The following FGF12 variants were observed in gnomAD, a reference collection of about 807,000 sequenced individuals.
FGF12 encodes the protein fibroblast growth factor 12B.
A neutral mutation model predicts 23.6 loss-of-function variants in FGF12; 14 were observed. The ratio of observed to expected loss-of-function variants is 0.59; its 90% confidence interval spans 0.39 to 0.93. FGF12 has a LOEUF of 0.93. Ranked by LOEUF, FGF12 falls within the 40% of genes least tolerant of loss-of-function variation. The pLI, the probability that FGF12 is intolerant of heterozygous loss-of-function variation, is 0.00. For missense variants in FGF12, 175 were observed against 217.8 expected (o/e 0.80, Z 1.24); for synonymous variants, 62 against 77.3 (o/e 0.80, Z 1.04).
chr3:192,691,765 T>C (rs2108720684), intron 2 of FGF12, among the ~76,000 whole-genome samples: 1 of 151,560 alleles, frequency 6.6e-6, no homozygotes, highest in East Asian at 2.0e-4. Context: ...AAAAATAAAA[T>C]TAACAAACTT....
chr3:192,477,035 C>T (rs911794556), intron 2 of FGF12, among the ~76,000 whole-genome samples: 3 of 152,104 alleles, frequency 2.0e-5, no homozygotes, highest in Non-Finnish European at 4.4e-5. Flanking sequence ...AGAGAAACTA[C>T]AGGGAGCAGG....
chr3:192,376,131 A>G (rs75616130), intron 2 of FGF12, among the ~76,000 whole-genome samples: 3,537 of 151,958 alleles, frequency 0.023, 77 homozygotes, highest in East Asian at 0.096. Context: ...GACTCCATTG[A>G]AATGCATGTT....
chr3:192,281,324 G>A (rs1396375920), intron 4 of FGF12, among the ~76,000 whole-genome samples: 4 of 151,920 alleles, frequency 2.6e-5, no homozygotes, highest in Admixed American at 6.6e-5. Flanking sequence ...GTCTTCACAC[G>A]GCCTTCTACC....
chr3:192,421,819 TA>T (rs74360183), intron 2 of FGF12, among the ~76,000 whole-genome samples: 27,385 of 144,832 alleles, frequency 0.19, 2,596 homozygotes, highest in South Asian at 0.28. Context: ...TAAAGTATAA[TA>T]AAAAAAAAAA....
intron 2 of FGF12, among the ~76,000 whole-genome samples, chr3:192,713,775 G>A (rs77621557): frequency 0.076 from 11,506 of 152,224 alleles, 820 homozygotes; most frequent in East Asian, 0.19. Flanking sequence ...GACCTTCCCT[G>A]TACAAGGTGC....
chr3:192,317,429 T>C (rs1577347927), intron 4 of FGF12, among the ~76,000 whole-genome samples: 1 of 151,890 alleles, frequency 6.6e-6, no homozygotes, highest in South Asian at 2.1e-4. Flanking sequence ...TGAATGAACA[T>C]TGGCAGTAGC....
chr3:192,615,409 C>G, intron 2 of FGF12, among the ~76,000 whole-genome samples: 1 of 151,884 alleles, frequency 6.6e-6, no homozygotes. Context: ...CTTGAATCAT[C>G]TACTAACAAA....
chr3:192,180,944 G>A lies in FGF12; in HGVS notation c.229-10288C>T, dbSNP rs544731434. On this transcript the variant is annotated intron_variant, in intron 4 of 5. Coordinates refer to ENST00000445105, the MANE Select transcript of FGF12 (RefSeq NM_004113.6). The stretch of plus-strand genomic sequence containing the variant: ...AGCACTGTGGTTTTGTGAAGCTGAA[G>A]AGGCAGAAACTGTAGTTCGAGATTG... 4.6e-5 allele frequency among the ~76,000 whole-genome samples: 7 copies of A among 152,280 alleles called. No individual in the cohort carries two copies. In the East Asian group the frequency reaches 7.7e-4, roughly 17 times the overall value.
At chr3:192,436,931 T>C (rs1369780755) in intron 2 of FGF12, among the ~76,000 whole-genome samples, 2 of 152,198 alleles carry the variant, frequency 1.3e-5, no homozygotes, top group African/African-American at 4.8e-5. Flanking sequence ...TGAAATTATC[T>C]ACGTAAAAAA....
Position 192,588,275 on chromosome 3 carries a change from G to A in FGF12, c.13+138906C>T, listed in dbSNP as rs532285434. ...TGAGGCAGGAGAATGGCGTGAACCC[G>A]GGAGGCGGAGCTTGCAGTGAGCCGA... On this transcript the variant is annotated intron_variant, in intron 2 of 5. Transcript: ENST00000445105. 8.0e-4 allele frequency among the ~76,000 whole-genome samples: 119 copies of A among 149,640 alleles called. 2 individuals carry two copies. The highest frequency in any genetic ancestry group is 1.5e-3 in the Non-Finnish European group (101 of 67,234).
chr3:192,335,608 G>A (rs749889648), intron 3 of FGF12, 144 bp from the exon 4 acceptor site: 10 of 617,936 alleles, frequency 1.6e-5, no homozygotes, highest in Non-Finnish European at 2.3e-5. Context: ...GTCTAAAAAC[G>A]AGAGAAATTG....
chr3:192,385,947 G>C (rs1011420509), intron 2 of FGF12, among the ~76,000 whole-genome samples: 1 of 152,128 alleles, frequency 6.6e-6, no homozygotes, highest in Admixed American at 6.5e-5. Flanking sequence ...GTAGAGTCCA[G>C]GACAAAGGCC....
chr3:192,723,372 T>A (rs965282016), intron 2 of FGF12, among the ~76,000 whole-genome samples: 4 of 151,972 alleles, frequency 2.6e-5, no homozygotes, highest in African/African-American at 9.7e-5. Context: ...ACAGATAATA[T>A]CAAATCTTCT....
chr3:192,615,965 TTTTAA>T (rs150522152), intron 2 of FGF12, among the ~76,000 whole-genome samples: 34,878 of 151,794 alleles, frequency 0.23, 4,034 homozygotes, highest in Middle Eastern at 0.29. Context: ...TTATGGATGA[TTTTAA>T]TTTCTTTGTA....
chr3:192,169,486 AT>A (rs1308407668), intron 5 of FGF12, among the ~76,000 whole-genome samples: 1 of 152,160 alleles, frequency 6.6e-6, no homozygotes, highest in Non-Finnish European at 1.5e-5. Flanking sequence ...ACATTGGAAG[AT>A]AGTATTGACT....
At position 192,389,861 on chromosome 3, in the gene FGF12, C is replaced by A. The variant is rs76093078; in HGVS notation, c.14-29323G>T. On this transcript the variant is annotated intron_variant, in intron 2 of 5. Transcript: ENST00000445105. ...AAGACCATCATCCATAATATCTGGA[C>A]AACAAAAAGAACTTCCTTTACTTAA... Among the ~76,000 whole-genome samples the A allele has an allele frequency of 1.3e-3, 203 of 152,242 alleles. 1 individual carries two copies. The highest frequency in any genetic ancestry group is 4.7e-3 in the African/African-American group (194 of 41,554).
At chr3:192,244,500 G>A (rs551238243) in intron 4 of FGF12, among the ~76,000 whole-genome samples, 239 of 152,082 alleles carry the variant, frequency 1.6e-3, no homozygotes, top group Non-Finnish European at 2.4e-3. Flanking sequence ...ACTTATATGG[G>A]TATAAGCAAA....
intron 2 of FGF12, among the ~76,000 whole-genome samples, chr3:192,430,076 T>C (rs1721815728): frequency 6.6e-6 from 1 of 152,170 alleles, no homozygotes; most frequent in Non-Finnish European, 1.5e-5. Flanking sequence ...TTTGCTTGCA[T>C]ATGTTCATAG....
intron 4 of FGF12, among the ~76,000 whole-genome samples, chr3:192,264,359 G>T (rs1560041603): frequency 1.3e-5 from 2 of 151,804 alleles, no homozygotes; most frequent in East Asian, 1.9e-4. Context: ...TTTTTTTGAC[G>T]ATATTGATGA....
Sources: allele counts gnomAD v4.1 joint callset (sites outside exome capture counted in the v4.1 genomes callset), GRCh38; gene constraint gnomAD v4.1.1; transcripts MANE v1.5; gene names NCBI Gene and HGNC (gene_info 2026-07-23, HGNC 2026-07-21).